MCTP2: variants seen among roughly 807,000 people sequenced by gnomAD.
MCTP2 encodes the protein multiple C2 and transmembrane domain containing 2, also known as multiple C2 and transmembrane domain-containing protein 2.
A neutral mutation model predicts 111.6 loss-of-function variants in MCTP2; 132 were observed. The ratio of observed to expected loss-of-function variants is 1.18; its 90% confidence interval spans 1.03 to 1.37. MCTP2 has a LOEUF of 1.37. MCTP2 is among the 40% of genes most tolerant of loss of function. The probability of loss-of-function intolerance (pLI) is 0.00; values close to 1 mark genes in which losing one functional copy is unlikely to be tolerated. For synonymous variants in MCTP2, 395 were observed against 387.7 expected, an observed-to-expected ratio of 1.02 and a Z score of -0.22; for missense variants, 1,183 against 1,067.9, an observed-to-expected ratio of 1.11 and a Z score of -1.50.
chr15:94,466,328 C>G (rs945019093), intron 20 of MCTP2, among the ~76,000 whole-genome samples: 8 of 151,872 alleles, frequency 5.3e-5, no homozygotes, highest in Non-Finnish European at 1.0e-4. Context: ...GTGGAGAGTA[C>G]TCAAACATCA....
chr15:94,398,833 T>C (rs1567623179), intron 14 of MCTP2, 128 bp from the exon 15 acceptor site: 1 of 574,518 alleles, frequency 1.7e-6, no homozygotes, highest in Non-Finnish European at 3.2e-6. Flanking sequence ...GATTTAATAT[T>C]TCTTTAATGT....
intron 17 of MCTP2, among the ~76,000 whole-genome samples, chr15:94,437,973 T>A (rs1454093233): frequency 1.3e-5 from 2 of 151,712 alleles, no homozygotes; most frequent in African/African-American, 4.8e-5. Context: ...ACAACAAAAT[T>A]GAGACAGAAT....
chr15:94,353,566 C>A, intron 8 of MCTP2, among the ~76,000 whole-genome samples: 1 of 152,128 alleles, frequency 6.6e-6, no homozygotes, highest in East Asian at 1.9e-4. Flanking sequence ...TAAGCAATTG[C>A]CAGACTGTAG....
At chr15:94,373,057 G>A (rs2079571831) in intron 12 of MCTP2, among the ~76,000 whole-genome samples, 1 of 152,138 alleles carries the variant, frequency 6.6e-6, no homozygotes, top group Admixed American at 6.5e-5. Flanking sequence ...TTACCGTTTT[G>A]GGGGCAAAGG....
chr15:94,255,492 T>C (rs1596193631), intron 1 of MCTP2, among the ~76,000 whole-genome samples: 1 of 143,936 alleles, frequency 6.9e-6, no homozygotes, highest in South Asian at 2.2e-4. Context: ...ATGACTGACA[T>C]AAGTATTTTA....
intron 20 of MCTP2, among the ~76,000 whole-genome samples, chr15:94,460,912 A>T (rs2085158593): frequency 6.6e-6 from 1 of 152,202 alleles, no homozygotes; most frequent in Non-Finnish European, 1.5e-5. Flanking sequence ...TTGGAATTCC[A>T]TTGTAACTCA....
intron 1 of MCTP2, among the ~76,000 whole-genome samples, chr15:94,247,551 A>C (rs1190659596): frequency 6.6e-6 from 1 of 151,966 alleles, no homozygotes; most frequent in African/African-American, 2.4e-5. Context: ...TAGAGATGTT[A>C]AGAGGAGTGG....
At position 94,414,050 on chromosome 15, in the gene MCTP2, A is replaced by G. The variant is rs541561084; in HGVS notation, c.2085+12031A>G. ...AAAACCTTTGCAGTGTACATTTTCA[A>G]GGTGGAGCTGCCTTGATTCTAAGAA... On this transcript the variant is annotated intron_variant, in intron 17 of 22. Coordinates refer to ENST00000357742, the MANE Select transcript of MCTP2 (RefSeq NM_001385001.1). Among the ~76,000 whole-genome samples, 31 of 152,302 alleles carry G rather than the reference A, an allele frequency of 2.0e-4. No homozygotes were observed. In the South Asian group the frequency reaches 6.0e-3, roughly 29 times the overall value.
intron 1 of MCTP2, among the ~76,000 whole-genome samples, chr15:94,297,230 G>T (rs886682886): frequency 6.6e-6 from 1 of 152,108 alleles, no homozygotes; most frequent in Non-Finnish European, 1.5e-5. Context: ...GATTTGATCC[G>T]TGATGAGTTC....
intron 14 of MCTP2, among the ~76,000 whole-genome samples, chr15:94,388,975 C>T (rs1009311551): frequency 1.3e-4 from 19 of 151,988 alleles, no homozygotes; most frequent in East Asian, 1.9e-4. Flanking sequence ...CCGTCAGGGT[C>T]GGGGTTGGGG....
chr15:94,465,307 C>T (rs183583413), intron 20 of MCTP2, among the ~76,000 whole-genome samples: 22 of 152,158 alleles, frequency 1.4e-4, no homozygotes, highest in Admixed American at 1.3e-3. Context: ...CAGTGGATGT[C>T]TGAAATCATG....
Position 94,298,485 on chromosome 15 carries a change from T to C in MCTP2, c.220T>C (p.Ser74Pro). The change falls in exon 2 of 23, where the codon TCC (serine) becomes CCC (proline). Residue 74 changes from serine to proline, a missense_variant. Ser to Pro is a moderately conservative substitution (Grantham distance 74). Coordinates refer to ENST00000357742, the MANE Select transcript of MCTP2 (RefSeq NM_001385001.1). ...CCGGCCTTACTCCGGGCCACAGTCT[T>C]CCTACACCTCGGTGCCCAGCAGTCT... ...EGRPYSGPQS[S>P]YTSVPSSLST... 6.2e-7 allele frequency: 1 copy of C among 1,614,088 alleles called. No homozygotes were observed. The highest frequency in any genetic ancestry group is 2.2e-5 in the East Asian group (1 of 44,868).
In MCTP2 at chr15:94,458,246, A is replaced by C; in HGVS notation, c.2360A>C (p.Asn787Thr). The C allele has an allele frequency of 6.4e-7, 1 of 1,574,520 alleles. No individual in the cohort carries two copies. Among genetic ancestry groups the C allele is most frequent in the Non-Finnish European group, 8.7e-7 (1 of 1,144,064 alleles). Reference sequence around the variant, plus strand: ...GCTTCTTTTGGAGAAAGGATTAAGAAGTAAGTTCTAAATTTGTGTTGTGGT... The same window carrying C: ...GCTTCTTTTGGAGAAAGGATTAAGACGTAAGTTCTAAATTTGTGTTGTGGT... ...EIASFGERIK[N>T]TFNWTVPFLS... is the part of the protein sequence containing the mutation. Residue 787 changes from asparagine to threonine, a missense_variant and splice_region_variant, in exon 20 of 23, where the codon AAC becomes ACC. Transcript: ENST00000357742.
chr15:94,443,311 G>T (rs903755597), intron 19 of MCTP2, among the ~76,000 whole-genome samples: 6 of 152,164 alleles, frequency 3.9e-5, no homozygotes, highest in Admixed American at 2.6e-4. Flanking sequence ...TTAGGCTCAT[G>T]TCTGCACTCT....
chr15:94,307,555 G>A (rs545807690), intron 2 of MCTP2, among the ~76,000 whole-genome samples: 4 of 152,276 alleles, frequency 2.6e-5, no homozygotes, highest in South Asian at 2.1e-4. Flanking sequence ...CATGTAGGGC[G>A]TTCCTATCTT....
At chr15:94,381,232 A>G (rs75643439) in intron 12 of MCTP2, among the ~76,000 whole-genome samples, 4,189 of 152,356 alleles carry the variant, frequency 0.027, 165 homozygotes, top group African/African-American at 0.096. Flanking sequence ...AAGTCCCCAT[A>G]TATCTGAAAC....
chr15:94,370,159 C>G lies in MCTP2; in HGVS notation c.1561C>G (p.Leu521Val). Residue 521 changes from leucine to valine, a missense_variant, in exon 12 of 23, where the codon CTC (leucine) becomes GTC (valine). Leu to Val is a conservative substitution (Grantham distance 32). Transcript: ENST00000357742. ...AGTGAAGGTTTTAAAGGCAGCAGAT[C>G]TCTTAGCGGCAGATTTCTCAGGTAC... ...LQVKVLKAAD[L>V]LAADFSGKSD... 1 of 1,612,608 alleles carries G rather than the reference C, an allele frequency of 6.2e-7. No homozygotes were observed. Among genetic ancestry groups the G allele is most frequent in the Admixed American group, 1.7e-5 (1 of 59,766 alleles).
intron 1 of MCTP2, among the ~76,000 whole-genome samples, chr15:94,262,884 T>G (rs928702689): frequency 1.3e-5 from 2 of 152,200 alleles, no homozygotes; most frequent in African/African-American, 4.8e-5. Context: ...TTGGCCAGGC[T>G]GGTCTCGAAC....
At chr15:94,268,928 G>C (rs2152294883) in intron 1 of MCTP2, among the ~76,000 whole-genome samples, 1 of 152,132 alleles carries the variant, frequency 6.6e-6, no homozygotes, top group South Asian at 2.1e-4. Flanking sequence ...TTCTGAATCA[G>C]GGATGGATTG....
Sources: gnomAD v4.1 joint callset for allele counts (sites outside exome capture counted in the v4.1 genomes callset) on GRCh38, gnomAD v4.1.1 for gene constraint, MANE v1.5 for transcripts, NCBI Gene and HGNC (gene_info 2026-07-23, HGNC 2026-07-21) for gene names.